Variants in PCSK5 observed in about 807,000 individuals in gnomAD.
The protein encoded by PCSK5 is prohormone convertase 5.
In PCSK5, 129 loss-of-function variants were observed where a neutral mutation model predicts 233.2. The ratio of observed to expected loss-of-function variants is 0.55; its 90% CI spans 0.48 to 0.64. PCSK5 has a LOEUF of 0.64. Among genes scored for constraint, PCSK5 ranks in the 30% least tolerant of loss-of-function variants. The pLI is 0.00. For missense variants in PCSK5, 2,076 were observed against 2,430.1 expected, an observed-to-expected ratio of 0.85 and a Z score of 3.06; for synonymous variants, 825 against 879.2, an observed-to-expected ratio of 0.94 and a Z score of 1.09.
chr9:76,141,085 G>A (rs781134989), intron 10 of PCSK5, among the ~76,000 whole-genome samples: 3 of 152,000 alleles, frequency 2.0e-5, no homozygotes, highest in Non-Finnish European at 4.4e-5. Context: ...GATATTTTAG[G>A]CAAAGATATA....
chr9:76,075,548 A>C (rs1035758787), intron 7 of PCSK5, among the ~76,000 whole-genome samples: 3 of 152,138 alleles, frequency 2.0e-5, no homozygotes, highest in African/African-American at 7.2e-5. Context: ...TGAGACAGGA[A>C]ATTTTACATT....
At position 76,359,198 on chromosome 9, in the gene PCSK5, G is replaced by T. The variant is rs768551301; in HGVS notation, c.*276G>T. 1.3e-5 allele frequency: 5 copies of T among 396,762 alleles called. No homozygotes were observed. The highest frequency in any genetic ancestry group is 2.3e-5 in the Non-Finnish European group (5 of 217,664). 24.6% of individuals were successfully genotyped at this position (396,762 alleles called of 1,614,324 possible). A position where few individuals can be genotyped will look rare whatever the true frequency, so the allele number is the denominator to read the frequency against. Reference sequence around the variant, plus strand: ...AAATAATGTGTTAAGACACAAAAATGAAGGAAGTGAAAACAAATGAGATTT... The same window carrying T: ...AAATAATGTGTTAAGACACAAAAATTAAGGAAGTGAAAACAAATGAGATTT... On this transcript the variant is annotated 3_prime_UTR_variant, in exon 38 of 38. Transcript: ENST00000674117.
intron 16 of PCSK5, among the ~76,000 whole-genome samples, chr9:76,182,351 A>G (rs1823910525): frequency 6.6e-6 from 1 of 152,226 alleles, no homozygotes; most frequent in African/African-American, 2.4e-5. Context: ...ACATTTGTCA[A>G]TGACTTATTT....
At position 75,964,333 on chromosome 9, in the gene PCSK5, C is replaced by CT. The variant is rs553188534; in HGVS notation, c.298-21793dup. On this transcript the variant is annotated intron_variant, in intron 2 of 37. Coordinates refer to ENST00000674117, the MANE Select transcript of PCSK5 (RefSeq NM_001372043.1). ...AAATATCTTATATTATAATGTTTTT[C>CT]TTTTTTAATTTTTTTCACTCAAGAC... 3.5e-3 allele frequency among the ~76,000 whole-genome samples: 526 copies of CT among 152,206 alleles called. 1 individual carries two copies. Among genetic ancestry groups the CT allele is most frequent in the Middle Eastern group, 0.017 (5 of 294 alleles).
intron 3 of PCSK5, among the ~76,000 whole-genome samples, chr9:75,990,845 C>T (rs1463084707): frequency 1.3e-5 from 2 of 152,158 alleles, no homozygotes; most frequent in Non-Finnish European, 2.9e-5. Flanking sequence ...CTTGGGCCTT[C>T]CTTTAGTTTT....
chr9:76,071,119 A>T (rs567221918), intron 6 of PCSK5, among the ~76,000 whole-genome samples: 2 of 152,346 alleles, frequency 1.3e-5, no homozygotes, highest in South Asian at 2.1e-4. Context: ...TACTTAAATG[A>T]AGATTAATAA....
rs528442809 is a variant in PCSK5, at chr9:75,943,161, A to G, written c.297+10678A>G. Among the ~76,000 whole-genome samples, 10 of 152,250 alleles carry G rather than the reference A, an allele frequency of 6.6e-5. No homozygotes were observed. The South Asian group carries it at 2.1e-3, about 32-fold the overall frequency. Reference sequence around the variant, plus strand: ...CTGCCTCCCAAAGTGCTGGGATTACAAGCATGAGCCACCATGCCCGGCCTA... The same window carrying G: ...CTGCCTCCCAAAGTGCTGGGATTACGAGCATGAGCCACCATGCCCGGCCTA... On this transcript the variant is annotated intron_variant, in intron 2 of 37. Coordinates refer to ENST00000674117, the MANE Select transcript of PCSK5 (RefSeq NM_001372043.1).
chr9:76,358,623 G>A lies in PCSK5; in HGVS notation c.5365G>A (p.Val1789Ile), dbSNP rs1830362470. 4 of 1,612,806 alleles carry A rather than the reference G, an allele frequency of 2.5e-6. No individual in the cohort carries two copies. The highest frequency in any genetic ancestry group is 1.1e-5 in the South Asian group (1 of 91,084). The change falls in exon 38 of 38, where the codon GTA becomes ATA. Residue 1789 changes from valine to isoleucine, a missense_variant. Transcript: ENST00000674117. The part of the protein sequence containing the change: ...MLVLLLGAAV[V>I]VWKKSRGRVQ... ...GGTGCTTCTGCTCGGGGCAGCTGTG[G>A]TAGTGTGGAAGAAATCTCGTGGCCG...
chr9:76,128,217 A>T (rs1268067974), intron 9 of PCSK5, among the ~76,000 whole-genome samples: 1 of 152,160 alleles, frequency 6.6e-6, no homozygotes, highest in African/African-American at 2.4e-5. Context: ...ACACTGTCAC[A>T]TTTTGCCTAC....
chr9:75,990,414 CA>C (rs1826719110), intron 3 of PCSK5, among the ~76,000 whole-genome samples: 1 of 152,120 alleles, frequency 6.6e-6, no homozygotes, highest in African/African-American at 2.4e-5. Context: ...GAGGCTTGGG[CA>C]ATATATTCAG....
chr9:76,353,840 C>T (rs189689944), intron 36 of PCSK5, among the ~76,000 whole-genome samples, 193 bp from the exon 37 acceptor site: 32 of 152,318 alleles, frequency 2.1e-4, no homozygotes, highest in Admixed American at 3.3e-4. Flanking sequence ...AGGGCCCAGC[C>T]GTGATTCCAC....
chr9:75,921,065 T>C (rs968271525), intron 1 of PCSK5, among the ~76,000 whole-genome samples: 1 of 152,190 alleles, frequency 6.6e-6, no homozygotes, highest in African/African-American at 2.4e-5. Context: ...CATTTAAGCT[T>C]ATTTTAATTA....
chr9:75,954,013 C>T (rs534750501), intron 2 of PCSK5, among the ~76,000 whole-genome samples: 6 of 152,248 alleles, frequency 3.9e-5, no homozygotes, highest in Non-Finnish European at 2.9e-5. Context: ...TATTCACATT[C>T]ACACTGGAAG....
chr9:75,918,140 C>G (rs545505167), intron 1 of PCSK5, among the ~76,000 whole-genome samples: 35 of 152,274 alleles, frequency 2.3e-4, no homozygotes, highest in African/African-American at 8.4e-4. Flanking sequence ...CTTGAAATCC[C>G]ATTTTATTCT....
intron 21 of PCSK5, 32 bp downstream of exon 21, chr9:76,227,637 T>C: frequency 7.2e-7 from 1 of 1,394,210 alleles, no homozygotes; most frequent in Non-Finnish European, 1.0e-6. Context: ...CCCGGTGGTG[T>C]GAGCTCATGG....
At chr9:76,152,831 T>A (rs1170491155) in intron 10 of PCSK5, among the ~76,000 whole-genome samples, 3 of 152,200 alleles carry the variant, frequency 2.0e-5, no homozygotes, top group Admixed American at 2.0e-4. Flanking sequence ...AGCTGTTACG[T>A]ATATTAACTG....
intron 24 of PCSK5, among the ~76,000 whole-genome samples, chr9:76,265,034 A>C (rs1156795012): frequency 1.3e-5 from 2 of 152,194 alleles, no homozygotes; most frequent in Non-Finnish European, 2.9e-5. Context: ...GGGCTGAATA[A>C]AGAAAATGTG....
intron 27 of PCSK5, among the ~76,000 whole-genome samples, chr9:76,298,969 C>T (rs1828526823): frequency 6.6e-6 from 1 of 152,216 alleles, no homozygotes; most frequent in Non-Finnish European, 1.5e-5. Flanking sequence ...CAATAAGATC[C>T]TGTTTGCGTC....
intron 20 of PCSK5, among the ~76,000 whole-genome samples, chr9:76,214,868 CT>C (rs1216513944): frequency 6.6e-6 from 1 of 152,140 alleles, no homozygotes; most frequent in Non-Finnish European, 1.5e-5. Context: ...GAAAGCTTTT[CT>C]AGAAAAGCTT....
Sources: gnomAD v4.1 joint callset for allele counts (sites outside exome capture counted in the v4.1 genomes callset) on GRCh38, gnomAD v4.1.1 for gene constraint, MANE v1.5 for transcripts, NCBI Gene and HGNC (gene_info 2026-07-23, HGNC 2026-07-21) for gene names.